Variants in ATP11B observed in about 807,000 individuals in gnomAD.
The protein encoded by ATP11B is ATPase phospholipid transporting 11B (putative).
A neutral mutation model predicts 157.8 loss-of-function variants in ATP11B; 81 were observed. The observed-to-expected ratio is 0.51, with a 90% CI of 0.43 to 0.62. The LOEUF is 0.62. ATP11B is among the 20% of genes least tolerant of loss of function. ATP11B has a pLI of 0.00. For missense variants in ATP11B, 1,165 were observed against 1,402.2 expected (o/e 0.83, Z 2.70); for synonymous variants, 451 against 469.4 (o/e 0.96, Z 0.51).
At chr3:182,839,395 A>G (rs1021106680) in intron 7 of ATP11B, among the ~76,000 whole-genome samples, 4 of 152,162 alleles carry the variant, frequency 2.6e-5, no homozygotes, top group Non-Finnish European at 5.9e-5. Flanking sequence ...GTTTACCTAT[A>G]TAACAAACCT....
In ATP11B at chr3:182,887,713, GGTAA is replaced by G; in HGVS notation, c.2843+4_2843+7del. On this transcript the variant is annotated splice_donor_variant and splice_donor_region_variant and intron_variant, in intron 24 of 29. Transcript: ENST00000323116. LOFTEE classifies it high-confidence loss of function. ...TTACAAAATAAGCCCACCCTTTATC[GGTAA>G]GTATTTTCTGGTATTAAATGGCCTT... 3.1e-6 allele frequency: 5 copies of G among 1,606,494 alleles called. No homozygotes were observed. Among genetic ancestry groups the G allele is most frequent in the Non-Finnish European group, 4.2e-6 (5 of 1,178,062 alleles).
intron 28 of ATP11B, among the ~76,000 whole-genome samples, chr3:182,904,108 A>G (rs1165290197): frequency 6.6e-6 from 1 of 152,218 alleles, no homozygotes; most frequent in African/African-American, 2.4e-5. Flanking sequence ...CAGGTGGTGT[A>G]ACAAGTGGGA....
chr3:182,840,282 C>G (rs1173686847), intron 7 of ATP11B, among the ~76,000 whole-genome samples: 1 of 152,172 alleles, frequency 6.6e-6, no homozygotes, highest in Non-Finnish European at 1.5e-5. Flanking sequence ...CCCTCTGTCT[C>G]AGTCCCTTTT....
At chr3:182,911,509 C>A (rs191986011) in intron 28 of ATP11B, among the ~76,000 whole-genome samples, 2 of 152,204 alleles carry the variant, frequency 1.3e-5, no homozygotes, top group East Asian at 3.9e-4. Flanking sequence ...TGAACAAATT[C>A]TTAACGGTTT....
intron 13 of ATP11B, 113 bp from the exon 14 acceptor site, chr3:182,866,155 A>G (rs1242659429): frequency 6.7e-6 from 5 of 749,166 alleles, no homozygotes; most frequent in Non-Finnish European, 9.9e-6. Flanking sequence ...ACTGTTATTC[A>G]GGCAATCAAG....
At chr3:182,825,826 G>A (rs1204884448) in intron 2 of ATP11B, among the ~76,000 whole-genome samples, 1 of 152,142 alleles carries the variant, frequency 6.6e-6, no homozygotes, top group Non-Finnish European at 1.5e-5. Context: ...CTTGAACTCA[G>A]GAGGCGGAGG....
chr3:182,793,821 GC>G, intron 1 of ATP11B, 35 bp downstream of exon 1: 2 of 1,292,278 alleles, frequency 1.5e-6, no homozygotes, highest in Non-Finnish European at 2.0e-6. Context: ...CCATTCGTCC[GC>G]CCCCGCGGGG....
chr3:182,915,830 T>C (rs933686192), intron 29 of ATP11B: 2 of 976,310 alleles, frequency 2.0e-6, no homozygotes, highest in African/African-American at 1.8e-5. Flanking sequence ...TCTATACTTC[T>C]TTTCACTTAA....
chr3:182,794,582 G>A (rs1308004663), intron 1 of ATP11B, among the ~76,000 whole-genome samples: 1 of 152,098 alleles, frequency 6.6e-6, no homozygotes, highest in East Asian at 1.9e-4. Context: ...CAGTATTATT[G>A]GAACATCTGG....
intron 1 of ATP11B, among the ~76,000 whole-genome samples, chr3:182,801,418 G>A (rs938266897): frequency 6.6e-6 from 1 of 152,108 alleles, no homozygotes; most frequent in African/African-American, 2.4e-5. Flanking sequence ...GTGTGAAGCC[G>A]GTAAAGCTGG....
intron 1 of ATP11B, among the ~76,000 whole-genome samples, chr3:182,815,394 A>T (rs1004122355): frequency 6.6e-6 from 1 of 152,160 alleles, no homozygotes; most frequent in African/African-American, 2.4e-5. Context: ...TAATTTATTG[A>T]AAGTTTATGT....
intron 11 of ATP11B, 40 bp downstream of exon 11, chr3:182,858,068 A>G (rs1560091870): frequency 1.3e-6 from 2 of 1,556,336 alleles, no homozygotes; most frequent in South Asian, 1.1e-5. Flanking sequence ...AAAGGAAACT[A>G]TTACTTGGCA....
intron 17 of ATP11B, among the ~76,000 whole-genome samples, chr3:182,870,353 T>A (rs1482489110): frequency 6.6e-6 from 1 of 152,246 alleles, no homozygotes; most frequent in Non-Finnish European, 1.5e-5. Flanking sequence ...ATTTTTGCAT[T>A]TCTGTGAATG....
At chr3:182,909,919 C>T (rs1371364691) in intron 28 of ATP11B, among the ~76,000 whole-genome samples, 1 of 150,964 alleles carries the variant, frequency 6.6e-6, no homozygotes, top group African/African-American at 2.4e-5. Context: ...AAAAAATTAG[C>T]TGGGCGTGGT....
At chr3:182,853,873 G>A (rs1720171468) in intron 10 of ATP11B, among the ~76,000 whole-genome samples, 1 of 152,040 alleles carries the variant, frequency 6.6e-6, no homozygotes, top group South Asian at 2.1e-4. Context: ...AAAGCTAAAA[G>A]ATTTACCTTA....
chr3:182,875,160 C>T (rs1169470022), intron 19 of ATP11B, among the ~76,000 whole-genome samples: 1 of 152,052 alleles, frequency 6.6e-6, no homozygotes, highest in African/African-American at 2.4e-5. Context: ...TCACAGTAAA[C>T]TAGGAAGGGC....
chr3:182,824,322 C>G (rs1199955224), intron 2 of ATP11B, among the ~76,000 whole-genome samples: 2 of 152,150 alleles, frequency 1.3e-5, no homozygotes, highest in Non-Finnish European at 2.9e-5. Context: ...ATCTTGGTTA[C>G]ATGTTGTTGA....
chr3:182,797,125 A>G (rs1250196895), intron 1 of ATP11B, among the ~76,000 whole-genome samples: 1 of 152,232 alleles, frequency 6.6e-6, no homozygotes, highest in Non-Finnish European at 1.5e-5. Flanking sequence ...TTTCCAAGAT[A>G]ACAATTCCAC....
intron 10 of ATP11B, among the ~76,000 whole-genome samples, chr3:182,851,009 A>G (rs1719934886): frequency 2.0e-5 from 3 of 152,208 alleles, no homozygotes; most frequent in African/African-American, 7.2e-5. Context: ...AAGCACAGAA[A>G]GACACTTCAT....
Sources: gnomAD v4.1 joint callset for allele counts (sites outside exome capture counted in the v4.1 genomes callset) on GRCh38, gnomAD v4.1.1 for gene constraint, MANE v1.5 for transcripts, NCBI Gene and HGNC (gene_info 2026-07-23, HGNC 2026-07-21) for gene names.